Variants in LDLRAD4 observed in about 807,000 individuals in gnomAD.
LDLRAD4 encodes the protein low-density lipoprotein receptor class A domain-containing protein 4.
A neutral mutation model predicts 17.0 loss-of-function variants in LDLRAD4; 5 were observed. The observed-to-expected ratio is 0.29, with a 90% CI of 0.15 to 0.62. The LOEUF is 0.62. LDLRAD4 is among the 20% of genes least tolerant of loss of function. The probability of loss-of-function intolerance (pLI) is 0.84; values close to 1 mark genes in which losing one functional copy is unlikely to be tolerated. For synonymous variants in LDLRAD4, 168 were observed against 171.8 expected (o/e 0.98, Z 0.17); for missense variants, 340 against 424.7 (o/e 0.80, Z 1.75).
chr18:13,302,061 G>A (rs1401742733), intron 1 of LDLRAD4, among the ~76,000 whole-genome samples: 4 of 152,192 alleles, frequency 2.6e-5, no homozygotes, highest in Non-Finnish European at 5.9e-5. Flanking sequence ...TAAATCAGAT[G>A]CTTTGCCCAA....
chr18:13,480,567 G>A (rs1305766570), intron 3 of LDLRAD4, among the ~76,000 whole-genome samples: 1 of 152,194 alleles, frequency 6.6e-6, no homozygotes, highest in Non-Finnish European at 1.5e-5. Context: ...TCTGGGTGAT[G>A]AAGGAGTGGT....
chr18:13,505,631 A>G (rs998508998), intron 3 of LDLRAD4, among the ~76,000 whole-genome samples: 3 of 152,140 alleles, frequency 2.0e-5, no homozygotes, highest in African/African-American at 4.8e-5. Flanking sequence ...CATCCTGGCT[A>G]GCACGGTGAA....
chr18:13,331,258 G>T (rs2081851445), intron 1 of LDLRAD4, among the ~76,000 whole-genome samples: 1 of 152,210 alleles, frequency 6.6e-6, no homozygotes, highest in South Asian at 2.1e-4. Context: ...TCAGAACTGA[G>T]TTGAATTGGA....
intron 1 of LDLRAD4, among the ~76,000 whole-genome samples, chr18:13,235,420 C>T (rs963920209): frequency 6.6e-6 from 1 of 152,304 alleles, no homozygotes; most frequent in South Asian, 2.1e-4. Context: ...GTCTGTGAAT[C>T]TTTTTTCCAT....
At chr18:13,368,950 C>T (rs1316160647) in intron 1 of LDLRAD4, among the ~76,000 whole-genome samples, 1 of 152,204 alleles carries the variant, frequency 6.6e-6, no homozygotes, top group Non-Finnish European at 1.5e-5. Flanking sequence ...GCTATTCTCC[C>T]GCCTTGGTCT....
At chr18:13,321,253 A>G (rs1407634876) in intron 1 of LDLRAD4, among the ~76,000 whole-genome samples, 1 of 152,150 alleles carries the variant, frequency 6.6e-6, no homozygotes, top group Admixed American at 6.5e-5. Context: ...CCAGAGGCCT[A>G]TGCGCGGTTT....
chr18:13,383,624 T>C (rs1290733010), intron 1 of LDLRAD4, among the ~76,000 whole-genome samples: 1 of 152,236 alleles, frequency 6.6e-6, no homozygotes, highest in East Asian at 1.9e-4. Context: ...ATGCCCAGCA[T>C]GGCTGTGCTG....
chr18:13,336,947 A>G (rs2082132550), intron 1 of LDLRAD4, among the ~76,000 whole-genome samples: 1 of 152,134 alleles, frequency 6.6e-6, no homozygotes, highest in Non-Finnish European at 1.5e-5. Flanking sequence ...TTTTTATAGA[A>G]TAACTTTTTA....
At chr18:13,333,171 T>C (rs898040410) in intron 1 of LDLRAD4, among the ~76,000 whole-genome samples, 5 of 152,232 alleles carry the variant, frequency 3.3e-5, no homozygotes, top group Non-Finnish European at 5.9e-5. Context: ...TGACCTGTAA[T>C]GTGAAGCATC....
chr18:13,448,415 G>C (rs563948871), intron 3 of LDLRAD4, among the ~76,000 whole-genome samples: 7 of 152,056 alleles, frequency 4.6e-5, no homozygotes, highest in East Asian at 1.9e-4. Context: ...GGTCTCTTCC[G>C]GGCAGCTCCA....
intron 2 of LDLRAD4, among the ~76,000 whole-genome samples, chr18:13,401,213 G>T (rs1469908831): frequency 6.6e-6 from 1 of 151,970 alleles, no homozygotes; most frequent in Non-Finnish European, 1.5e-5. Context: ...GTTGTCCAGA[G>T]GCCACATGCC....
chr18:13,606,208 T>A lies in LDLRAD4; in HGVS notation c.182-14909T>A, dbSNP rs114655063. On this transcript the variant is annotated intron_variant, in intron 3 of 5. Transcript: ENST00000359446. ...AAACTTTATACTGCCTCCCATTTTC[T>A]TCTGGGGCTTGGAAGGGTAGCTGCA... Among the ~76,000 whole-genome samples the A allele has an allele frequency of 7.5e-3, 1,145 of 152,308 alleles. 15 individuals carry two copies. Among genetic ancestry groups the A allele is most frequent in the African/African-American group, 0.026 (1,100 of 41,564 alleles).
intron 3 of LDLRAD4, among the ~76,000 whole-genome samples, chr18:13,605,571 C>T (rs16940898): frequency 0.041 from 6,205 of 152,190 alleles, 409 homozygotes; most frequent in African/African-American, 0.14. Context: ...GGGACCTTAA[C>T]GACACTGTTA....
At chr18:13,370,763 T>C (rs1398259039) in intron 1 of LDLRAD4, among the ~76,000 whole-genome samples, 1 of 148,090 alleles carries the variant, frequency 6.8e-6, no homozygotes, top group Non-Finnish European at 1.5e-5. Context: ...TAGACTGGAG[T>C]GCAGTGGTGG....
rs188445011 is a variant in LDLRAD4 at position 13,455,835 on chromosome 18, T to C, written c.181+17451T>C. ...TGGTGGTGCTAAGATAAATGGATGATAAATTGCAGTTGTATATTTTTAAGA... is the reference window on the plus strand; with the variant it reads ...TGGTGGTGCTAAGATAAATGGATGACAAATTGCAGTTGTATATTTTTAAGA... On this transcript the variant is annotated intron_variant, in intron 3 of 5. Transcript: ENST00000359446. Among the ~76,000 whole-genome samples, 99 of 152,300 alleles carry C rather than the reference T, an allele frequency of 6.5e-4. 1 individual carries two copies. Among genetic ancestry groups the C allele is most frequent in the Non-Finnish European group, 1.2e-3 (82 of 68,022 alleles).
At chr18:13,394,375 A>G (rs1018367639) in intron 2 of LDLRAD4, among the ~76,000 whole-genome samples, 2 of 152,152 alleles carry the variant, frequency 1.3e-5, no homozygotes, top group African/African-American at 4.8e-5. Context: ...ACCCTTTTAA[A>G]TAAGGATGAG....
rs1041865851 is a variant in LDLRAD4, at chr18:13,236,144, C to G, written c.-467+17156C>G. ...CTATGGGGATAGCAAGGTTTACTCT[C>G]TACAGAGAGTGGTTCCATCTGGCAC... is the stretch of plus-strand genomic sequence containing the variant. On this transcript the variant is annotated intron_variant, in intron 1 of 5. Coordinates refer to the LDLRAD4 transcript ENST00000399848. Among the ~76,000 whole-genome samples the G allele has an allele frequency of 2.0e-5, 3 of 152,120 alleles. No individual in the cohort carries two copies. In the East Asian group the frequency reaches 5.8e-4, roughly 29 times the overall value.
At chr18:13,227,116 G>A (rs576301012) in intron 1 of LDLRAD4, among the ~76,000 whole-genome samples, 10 of 152,252 alleles carry the variant, frequency 6.6e-5, no homozygotes, top group African/African-American at 9.6e-5. Flanking sequence ...TTCTTGTGTC[G>A]TCTGTGGAGG....
chr18:13,630,297 G>T (rs941761476), intron 4 of LDLRAD4, among the ~76,000 whole-genome samples: 1 of 152,224 alleles, frequency 6.6e-6, no homozygotes, highest in African/African-American at 2.4e-5. Flanking sequence ...AAGAAAGGGG[G>T]AGGTGCAGTC....
Sources: allele counts gnomAD v4.1 joint callset (sites outside exome capture counted in the v4.1 genomes callset), GRCh38; gene constraint gnomAD v4.1.1; transcripts MANE v1.5; gene names NCBI Gene and HGNC (gene_info 2026-07-23, HGNC 2026-07-21).